HMGCLL1: variants seen among roughly 807,000 people sequenced by gnomAD.
The protein encoded by HMGCLL1 is 3-hydroxy-3-methylglutaryl-CoA lyase like 1.
In HMGCLL1, 36 loss-of-function variants were observed where a neutral mutation model predicts 39.1. That is an observed-to-expected ratio of 0.92 (90% CI 0.71 to 1.22). The LOEUF is 1.22. Among genes scored for constraint, HMGCLL1 ranks in the 50% most tolerant of loss-of-function variants. The pLI, the probability that HMGCLL1 is intolerant of heterozygous loss-of-function variation, is 0.00. For synonymous variants in HMGCLL1, 149 were observed against 144.0 expected, an observed-to-expected ratio of 1.03 and a Z score of -0.25; for missense variants, 451 against 416.5, an observed-to-expected ratio of 1.08 and a Z score of -0.72.
chr6:55,531,802 T>C (rs964868854), intron 3 of HMGCLL1, among the ~76,000 whole-genome samples: 3 of 152,246 alleles, frequency 2.0e-5, no homozygotes, highest in African/African-American at 7.2e-5. Context: ...GGGATCTAGG[T>C]TGTTCACTCC....
the HMGCLL1 span, among the ~76,000 whole-genome samples, chr6:55,602,593 A>G: frequency 2.0e-5 from 3 of 152,020 alleles, no homozygotes; most frequent in African/African-American, 7.2e-5. Context: ...TGAGAATTCT[A>G]TTTAAATAAG....
chr6:55,472,342 T>C (rs1478240630), intron 7 of HMGCLL1, among the ~76,000 whole-genome samples: 2 of 151,620 alleles, frequency 1.3e-5, no homozygotes, highest in Admixed American at 6.6e-5. Context: ...TATTTCATTG[T>C]AGTTTTAATT....
At chr6:55,544,755 C>G (rs1168689767) in intron 1 of HMGCLL1, among the ~76,000 whole-genome samples, 1 of 152,122 alleles carries the variant, frequency 6.6e-6, no homozygotes, top group East Asian at 1.9e-4. Context: ...TTACAGACCA[C>G]TCTCTACAAT....
the HMGCLL1 span, among the ~76,000 whole-genome samples, chr6:55,627,084 T>C: frequency 2.9e-5 from 4 of 138,504 alleles, no homozygotes; most frequent in South Asian, 9.2e-4. Context: ...ATACAACCAC[T>C]GAGGTGCTTG....
At chr6:55,445,859 A>C (rs895481198) in intron 7 of HMGCLL1, among the ~76,000 whole-genome samples, 1 of 152,120 alleles carries the variant, frequency 6.6e-6, no homozygotes, top group Non-Finnish European at 1.5e-5. Context: ...TTAAAGTCAA[A>C]CATTTACAAC....
At chr6:55,594,371 T>G in the HMGCLL1 span, among the ~76,000 whole-genome samples, 1 of 152,196 alleles carries the variant, frequency 6.6e-6, no homozygotes, top group African/African-American at 2.4e-5. Flanking sequence ...GTTCAGAATT[T>G]CCTGAATTTA....
the HMGCLL1 span, among the ~76,000 whole-genome samples, chr6:55,648,213 A>G: frequency 6.7e-6 from 1 of 149,088 alleles, no homozygotes; most frequent in Non-Finnish European, 1.5e-5. Context: ...TATTGTGAAT[A>G]GTGCCGCAAT....
intron 7 of HMGCLL1, among the ~76,000 whole-genome samples, chr6:55,444,291 T>G (rs1444482612): frequency 6.6e-6 from 1 of 152,062 alleles, no homozygotes. Context: ...AAAGAGTCCT[T>G]TCTAGAAATA....
chr6:55,496,621 G>A (rs1766596626), intron 6 of HMGCLL1, among the ~76,000 whole-genome samples: 1 of 151,980 alleles, frequency 6.6e-6, no homozygotes, highest in African/African-American at 2.4e-5. Flanking sequence ...ATTATATTTA[G>A]TGAAATACCA....
the HMGCLL1 span, among the ~76,000 whole-genome samples, chr6:55,647,359 A>G: frequency 2.6e-5 from 4 of 152,036 alleles, no homozygotes; most frequent in South Asian, 8.3e-4. Flanking sequence ...CAGGCACTCT[A>G]TGTCTTGACT....
At chr6:55,671,576 G>A in the HMGCLL1 span, among the ~76,000 whole-genome samples, 3 of 151,782 alleles carry the variant, frequency 2.0e-5, no homozygotes, top group African/African-American at 7.2e-5. Context: ...TAGAAAACCA[G>A]CAAAGACATA....
At chr6:55,487,253 C>T (rs1248470457) in intron 7 of HMGCLL1, among the ~76,000 whole-genome samples, 1 of 151,364 alleles carries the variant, frequency 6.6e-6, no homozygotes, top group Non-Finnish European at 1.5e-5. Flanking sequence ...GCTTAATTGC[C>T]CTGGTCAATC....
chr6:55,652,797 A>G, the HMGCLL1 span, among the ~76,000 whole-genome samples: 2 of 152,098 alleles, frequency 1.3e-5, no homozygotes, highest in Admixed American at 6.6e-5. Flanking sequence ...CTTTCTAGAA[A>G]TTCTCTTAAG....
the HMGCLL1 span, among the ~76,000 whole-genome samples, chr6:55,676,283 C>G: frequency 5.9e-5 from 9 of 152,238 alleles, no homozygotes; most frequent in East Asian, 1.5e-3. Flanking sequence ...CTGTATGTCT[C>G]AGCTACCATA....
At chr6:55,531,606 A>C (rs974469807) in intron 3 of HMGCLL1, among the ~76,000 whole-genome samples, 1 of 152,090 alleles carries the variant, frequency 6.6e-6, no homozygotes, top group Non-Finnish European at 1.5e-5. Context: ...CCCAACCCCC[A>C]GTCCACAGAC....
At chr6:55,528,793 G>A (rs1484123042) in intron 3 of HMGCLL1, among the ~76,000 whole-genome samples, 1 of 151,852 alleles carries the variant, frequency 6.6e-6, no homozygotes, top group Non-Finnish European at 1.5e-5. Flanking sequence ...TTACCTTTGT[G>A]TACTAAGGAC....
At chr6:55,606,729 G>A in the HMGCLL1 span, among the ~76,000 whole-genome samples, 4 of 152,018 alleles carry the variant, frequency 2.6e-5, no homozygotes, top group Non-Finnish European at 5.9e-5. Flanking sequence ...CAAAACCTGT[G>A]AATATGTTAT....
chr6:55,580,792 A>G (rs1175946223), upstream of HMGCLL1, among the ~76,000 whole-genome samples: 1 of 152,126 alleles, frequency 6.6e-6, no homozygotes, highest in Non-Finnish European at 1.5e-5. Flanking sequence ...AAAACTCTGT[A>G]AAGCACCAAA....
chr6:55,521,059 G>A lies in HMGCLL1; in HGVS notation c.298-4456C>T, dbSNP rs557583357. On this transcript the variant is annotated intron_variant, in intron 3 of 8. Coordinates refer to ENST00000274901, the MANE Select transcript of HMGCLL1 (RefSeq NM_001042406.2). The stretch of plus-strand genomic sequence containing the variant: ...TTTATTTGCTACTAACTCTTATCAT[G>A]ACGTAATTAAACTGGGATAGTTCAC... 1.4e-4 allele frequency among the ~76,000 whole-genome samples: 22 copies of A among 152,132 alleles called. No individual in the cohort carries two copies. In the South Asian group the frequency reaches 4.6e-3, roughly 32 times the overall value.
Sources: gnomAD v4.1 joint callset for allele counts (sites outside exome capture counted in the v4.1 genomes callset) on GRCh38, gnomAD v4.1.1 for gene constraint, MANE v1.5 for transcripts, NCBI Gene and HGNC (gene_info 2026-07-23, HGNC 2026-07-21) for gene names.